The following HERC2 variants were observed in gnomAD, a reference collection of about 807,000 sequenced individuals.
The protein encoded by HERC2 is HECT and RLD domain containing E3 ubiquitin protein ligase 2.
HERC2 carries 102 observed loss-of-function variants against 537.7 expected under a neutral mutation model. That is an observed-to-expected ratio of 0.19 (90% CI 0.16 to 0.22). The LOEUF (loss-of-function observed/expected upper bound fraction) is 0.22. HERC2 is among the 10% of genes least tolerant of loss of function. The pLI is 1.00. For synonymous variants in HERC2, 2,224 were observed against 2,466.2 expected (o/e 0.90, Z 2.91); for missense variants, 4,236 against 6,198.2 (o/e 0.68, Z 10.63).
intron 48 of HERC2, among the ~76,000 whole-genome samples, chr15:28,200,251 C>A (rs1244802656): frequency 6.6e-6 from 1 of 152,114 alleles, no homozygotes; most frequent in Non-Finnish European, 1.5e-5. Flanking sequence ...ATAAAATTAA[C>A]CAGGCATGTG....
At chr15:28,236,321 G>A (rs955654996) in intron 26 of HERC2, among the ~76,000 whole-genome samples, 5 of 151,916 alleles carry the variant, frequency 3.3e-5, no homozygotes, top group African/African-American at 4.8e-5. Flanking sequence ...ACGGAGTCTC[G>A]CTCTTGTCAC....
intron 2 of HERC2, 99 bp from the exon 3 acceptor site, chr15:28,299,615 T>C: frequency 1.5e-6 from 1 of 650,598 alleles, no homozygotes; most frequent in African/African-American, 1.8e-5. Flanking sequence ...CCCTTATGTA[T>C]TCGATCATTT....
chr15:28,158,835 T>C (rs1232107527), intron 69 of HERC2, among the ~76,000 whole-genome samples: 1 of 152,234 alleles, frequency 6.6e-6, no homozygotes, highest in Non-Finnish European at 1.5e-5. Context: ...CTAGCATTGA[T>C]GGTCTTTACA....
chr15:28,263,208 C>G (rs746878763), intron 14 of HERC2, 39 bp from the exon 15 acceptor site: 25 of 1,581,956 alleles, frequency 1.6e-5, no homozygotes, highest in African/African-American at 1.1e-4. Context: ...AACAACTCTG[C>G]ATTTTAACGA....
intron 16 of HERC2, among the ~76,000 whole-genome samples, chr15:28,258,182 G>A (rs2075318095): frequency 6.6e-6 from 1 of 152,048 alleles, no homozygotes; most frequent in Admixed American, 6.6e-5. Flanking sequence ...AATAATCCAT[G>A]GGTCAGGCCG....
In HERC2 at chr15:28,122,056, A is replaced by G. The variant is rs535561917; in HGVS notation, c.13189-627T>C. Among the ~76,000 whole-genome samples, 1 of 152,284 alleles carries G rather than the reference A, an allele frequency of 6.6e-6. No individual in the cohort carries two copies. The highest frequency in any genetic ancestry group is 2.1e-4 in the South Asian group (1 of 4,834). On this transcript the variant is annotated intron_variant, in intron 85 of 92. Coordinates refer to ENST00000261609, the MANE Select transcript of HERC2 (RefSeq NM_004667.6). This position sits in a 1 kb window ranked among gnomAD's most constrained non-coding sequence, Gnocchi z 4.1. ...CCTGCCATACAGCAGCCACGGGGCCAGGGAGCACCGTGCAGCCAGCCAGAC... is the reference window on the plus strand; with the variant it reads ...CCTGCCATACAGCAGCCACGGGGCCGGGGAGCACCGTGCAGCCAGCCAGAC...
At position 28,163,198 on chromosome 15, in the gene HERC2, C is replaced by T; in HGVS notation, c.10642G>A (p.Val3548Met). Residue 3548 changes from valine to methionine, a missense_variant, in exon 69 of 93, where the codon GTG (valine) becomes ATG (methionine). Val to Met is a conservative substitution (Grantham distance 21). Coordinates refer to ENST00000261609, the MANE Select transcript of HERC2 (RefSeq NM_004667.6). ...GACAGCTTGAGCAGGTCTACCACCA[C>T]ACGAGTGTCATCCGCAATCAGCAGA... Reference protein sequence around the residue: ...TSLLIADDTRVVVDLLKLSVC... With the variant: ...TSLLIADDTRMVVDLLKLSVC... The T allele has an allele frequency of 1.2e-6, 2 of 1,613,912 alleles. No homozygotes were observed. Among genetic ancestry groups the T allele is most frequent in the Non-Finnish European group, 1.7e-6 (2 of 1,180,038 alleles).
intron 86 of HERC2, chr15:28,117,370 C>T (rs1490072956): frequency 8.5e-6 from 6 of 702,434 alleles, no homozygotes; most frequent in East Asian, 2.7e-5. Flanking sequence ...TTGGGCATGT[C>T]GCCAGTGATG....
chr15:28,197,566 A>T (rs561400837), intron 50 of HERC2, among the ~76,000 whole-genome samples: 6 of 152,294 alleles, frequency 3.9e-5, no homozygotes, highest in African/African-American at 9.6e-5. Context: ...AGCCTGGCCA[A>T]CATGGTGAAA....
chr15:28,164,045 G>T (rs1375613049), intron 68 of HERC2, among the ~76,000 whole-genome samples: 2 of 152,188 alleles, frequency 1.3e-5, no homozygotes, highest in East Asian at 3.9e-4. Context: ...GTGGAAACGG[G>T]AAAGGCCCTT....
intron 55 of HERC2, among the ~76,000 whole-genome samples, chr15:28,187,780 C>G (rs1022158486): frequency 6.6e-6 from 1 of 152,146 alleles, no homozygotes; most frequent in Non-Finnish European, 1.5e-5. Flanking sequence ...AATCAGAACA[C>G]AAGCAAGACC....
chr15:28,246,636 GAAA>G (rs1903733794), intron 22 of HERC2, 103 bp downstream of exon 22: 3 of 1,020,612 alleles, frequency 2.9e-6, no homozygotes, highest in Non-Finnish European at 4.1e-6. Context: ...AGGAGGCCCA[GAAA>G]ATTTAGAGAG....
intron 42 of HERC2, chr15:28,212,958 TC>T: frequency 5.3e-6 from 1 of 188,442 alleles, no homozygotes; most frequent in Non-Finnish European, 9.9e-6. Context: ...ACGCCTGTAA[TC>T]CCAGCACTTT....
intron 86 of HERC2, 88 bp downstream of exon 86, chr15:28,121,258 G>T: frequency 8.5e-7 from 1 of 1,173,188 alleles, no homozygotes; most frequent in Non-Finnish European, 1.3e-6. Flanking sequence ...AGGATGGCAG[G>T]CTACCAGCGC....
chr15:28,158,829 C>T (rs1893283651), intron 69 of HERC2, among the ~76,000 whole-genome samples: 1 of 152,166 alleles, frequency 6.6e-6, no homozygotes, highest in African/African-American at 2.4e-5. Flanking sequence ...TTCTTCCTAG[C>T]ATTGATGGTC....
intron 5 of HERC2, among the ~76,000 whole-genome samples, chr15:28,279,163 T>C (rs1244366567): frequency 6.6e-6 from 1 of 152,060 alleles, no homozygotes; most frequent in Non-Finnish European, 1.5e-5. Context: ...CGGCTAATTT[T>C]TTTATTTTTA....
chr15:28,259,695 C>G (rs1356413118), intron 16 of HERC2, among the ~76,000 whole-genome samples: 1 of 151,898 alleles, frequency 6.6e-6, no homozygotes, highest in Non-Finnish European at 1.5e-5. Context: ...TGGCTCACAC[C>G]TGTAATCCCA....
intron 23 of HERC2, among the ~76,000 whole-genome samples, chr15:28,245,564 T>TAC (rs1232976281): frequency 0.049 from 5,357 of 108,840 alleles, 158 homozygotes; most frequent in South Asian, 0.081. Flanking sequence ...AAAAAAAATA[T>TAC]ATACACACAC....
In HERC2 at chr15:28,265,611, T is replaced by C. The variant is rs781152786; in HGVS notation, c.1870+7A>G. ...GGCCTGTCCAGGGTGGCGAGAGCTCTACGTACCGTTCTCAGTGACAGCCAG... is the reference window on the plus strand; with the variant it reads ...GGCCTGTCCAGGGTGGCGAGAGCTCCACGTACCGTTCTCAGTGACAGCCAG... On this transcript the variant is annotated splice_region_variant and intron_variant, in intron 14 of 92. Transcript: ENST00000261609. This position sits in a 1 kb window ranked among gnomAD's most constrained non-coding sequence, Gnocchi z 4.0. The C allele has an allele frequency of 1.9e-6, 3 of 1,612,046 alleles. No homozygotes were observed. The East Asian group carries it at 6.7e-5, about 36-fold the overall frequency.
Sources: gnomAD v4.1 joint callset for allele counts (sites outside exome capture counted in the v4.1 genomes callset) on GRCh38, gnomAD v4.1.1 for gene constraint, Gnocchi (gnomAD v3.1) non-coding constraint, MANE v1.5 for transcripts, NCBI Gene and HGNC (gene_info 2026-07-23, HGNC 2026-07-21) for gene names.